The following SLC26A5 variants were observed in gnomAD, a reference collection of about 807,000 sequenced individuals.
SLC26A5 encodes prestin.
SLC26A5 carries 51 observed loss-of-function variants against 81.0 expected under a neutral mutation model. The observed-to-expected ratio is 0.63, with a 90% CI of 0.50 to 0.80. The LOEUF (loss-of-function observed/expected upper bound fraction) is 0.80. Ranked by LOEUF, SLC26A5 falls within the 30% of genes least tolerant of loss-of-function variation. SLC26A5 has a pLI of 0.00. For synonymous variants in SLC26A5, 325 were observed against 332.8 expected (o/e 0.98, Z 0.25); for missense variants, 771 against 905.8 (o/e 0.85, Z 1.91).
chr7:103,368,278 C>T (rs1820827288), intron 19 of SLC26A5: 1 of 462,314 alleles, frequency 2.2e-6, no homozygotes, highest in Admixed American at 3.8e-5. Flanking sequence ...AAGGATTTCA[C>T]ATCATACAAA....
At chr7:103,359,881 A>G (rs1820276533) in intron 19 of SLC26A5, among the ~76,000 whole-genome samples, 1 of 152,090 alleles carries the variant, frequency 6.6e-6, no homozygotes, top group Non-Finnish European at 1.5e-5. Flanking sequence ...GGAGTTTGAG[A>G]TCAGCCTGGC....
chr7:103,402,017 C>CT (rs980014524), intron 8 of SLC26A5, among the ~76,000 whole-genome samples: 13 of 152,012 alleles, frequency 8.6e-5, no homozygotes, highest in African/African-American at 2.2e-4. Context: ...CTGAAATTTT[C>CT]TTTTTTTTGT....
intron 1 of SLC26A5, among the ~76,000 whole-genome samples, chr7:103,444,181 C>A (rs1827099408): frequency 6.6e-6 from 1 of 152,186 alleles, no homozygotes; most frequent in Non-Finnish European, 1.5e-5. Context: ...TACTCTGAGT[C>A]ACAAAATGAT....
At chr7:103,389,302 AAC>A in intron 13 of SLC26A5, 25 bp downstream of exon 13, 2 of 1,495,022 alleles carry the variant, frequency 1.3e-6, no homozygotes, top group Non-Finnish European at 1.9e-6. Flanking sequence ...ATGACATATT[AAC>A]AGAGCCATCA....
At chr7:103,400,516 T>C (rs1242131300) in intron 8 of SLC26A5, among the ~76,000 whole-genome samples, 1 of 152,238 alleles carries the variant, frequency 6.6e-6, no homozygotes, top group Non-Finnish European at 1.5e-5. Flanking sequence ...ATTCTGTAGG[T>C]TGCCTGTTCA....
chr7:103,376,800 A>G lies in SLC26A5; in HGVS notation c.2041+8T>C, dbSNP rs992865908. On this transcript the variant is annotated splice_region_variant and intron_variant, in intron 19 of 19. Transcript: ENST00000306312. Reference sequence around the variant, plus strand: ...TTAAGCTTCACCCCATCTTAGAGGTATACTCACCACTGCATCCTGCTAAGT... The same window carrying G: ...TTAAGCTTCACCCCATCTTAGAGGTGTACTCACCACTGCATCCTGCTAAGT... 6.3e-7 allele frequency: 1 copy of G among 1,588,822 alleles called. No individual in the cohort carries two copies. The highest frequency in any genetic ancestry group is 2.2e-5 in the East Asian group (1 of 44,534).
In SLC26A5 at chr7:103,389,412, C is replaced by A. The variant is rs137932625; in HGVS notation, c.1324G>T (p.Ala442Ser). 2 of 1,613,732 alleles carry A rather than the reference C, an allele frequency of 1.2e-6. No homozygotes were observed. The highest frequency in any genetic ancestry group is 1.3e-5 in the African/African-American group (1 of 75,020). Reference protein sequence around the residue: ...FESLPQAVLSAIVIVNLKGMF... With the variant: ...FESLPQAVLSSIVIVNLKGMF... ...CCCTTCAGGTTGACAATCACAATGG[C>A]CGACAGCACAGCCTGAAACAGAGCA... Residue 442 changes from alanine to serine, a missense_variant, in exon 13 of 20, where the codon GCC (alanine) becomes TCC (serine). Transcript: ENST00000306312.
intron 4 of SLC26A5, among the ~76,000 whole-genome samples, chr7:103,414,785 T>C (rs1824781158): frequency 6.6e-6 from 1 of 152,206 alleles, no homozygotes; most frequent in Non-Finnish European, 1.5e-5. Context: ...CTGGACTTTT[T>C]CATGCAAGAA....
At chr7:103,377,563 A>G in intron 18 of SLC26A5, 36 bp downstream of exon 18, 1 of 1,558,956 alleles carries the variant, frequency 6.4e-7, no homozygotes, top group Non-Finnish European at 8.8e-7. Flanking sequence ...CACCAGGCAT[A>G]GAGGTATTAA....
chr7:103,362,123 C>T (rs914997186), intron 19 of SLC26A5: 2 of 1,609,470 alleles, frequency 1.2e-6, no homozygotes, highest in African/African-American at 2.7e-5. Flanking sequence ...ACTTTTCTTT[C>T]ACTAAGGATA....
chr7:103,388,017 A>G (rs1822333102), intron 14 of SLC26A5, among the ~76,000 whole-genome samples: 1 of 151,766 alleles, frequency 6.6e-6, no homozygotes. Context: ...TTTCCTTTTC[A>G]TCTTTATGGT....
downstream of SLC26A5, among the ~76,000 whole-genome samples, chr7:103,371,415 C>T (rs1212844707): frequency 6.6e-6 from 1 of 151,216 alleles, no homozygotes; most frequent in African/African-American, 2.4e-5. Flanking sequence ...AGCTCCGCCT[C>T]CCGGGTTCAC....
In SLC26A5 at chr7:103,367,166, A is replaced by C. The variant is rs1182079380; in HGVS notation, c.2041+9642T>G. On this transcript the variant is annotated intron_variant, in intron 19 of 19. Coordinates refer to the SLC26A5 transcript ENST00000339444. The surrounding 1 kb of genome is among the most constrained non-coding windows in gnomAD (Gnocchi z 6.1). ...AATAAATGTGGTAGACTTTGAAAAC[A>C]CTAAACTGCCCCATAGGCAGTTTAA... Among the ~76,000 whole-genome samples, 1 of 152,228 alleles carries C rather than the reference A, an allele frequency of 6.6e-6. No individual in the cohort carries two copies. Among genetic ancestry groups the C allele is most frequent in the Non-Finnish European group, 1.5e-5 (1 of 68,042 alleles).
intron 14 of SLC26A5, among the ~76,000 whole-genome samples, chr7:103,381,367 A>T (rs1821770771): frequency 6.6e-6 from 1 of 150,684 alleles, no homozygotes; most frequent in Non-Finnish European, 1.5e-5. Flanking sequence ...CACCCCACAT[A>T]TCACATACAT....
exon 20 of SLC26A5, chr7:103,352,879 C>T (rs867364313): frequency 1.5e-5 from 12 of 780,786 alleles, no homozygotes; most frequent in Non-Finnish European, 2.4e-5. Context: ...TTGGATTACA[C>T]GGCATTTCCC....
intron 14 of SLC26A5, among the ~76,000 whole-genome samples, chr7:103,382,655 T>C (rs1362405508): frequency 6.6e-6 from 1 of 152,098 alleles, no homozygotes; most frequent in Non-Finnish European, 1.5e-5. Flanking sequence ...TGCCTGCCCC[T>C]AATTCCTAAC....
In SLC26A5 at chr7:103,421,098, G is replaced by C. The variant is rs577641636; in HGVS notation, c.153-221C>G. Among the ~76,000 whole-genome samples, 22 of 152,248 alleles carry C rather than the reference G, an allele frequency of 1.4e-4. No individual in the cohort carries two copies. The South Asian group carries it at 4.6e-3, about 32-fold the overall frequency. On this transcript the variant is annotated intron_variant, in intron 3 of 19. Transcript: ENST00000306312. ...ACAAAAGATATTTTCAAGGTGGGTG[G>C]AGAATTAGAAAGCATGTTGGTTATG...
At chr7:103,441,336 T>G (rs777610863) in intron 2 of SLC26A5, among the ~76,000 whole-genome samples, 56 of 152,126 alleles carry the variant, frequency 3.7e-4, no homozygotes, top group Non-Finnish European at 7.1e-4. Context: ...ACAAATACCT[T>G]TCATGGATTA....
intron 17 of SLC26A5, 38 bp downstream of exon 17, chr7:103,378,408 A>C: frequency 6.3e-7 from 1 of 1,582,442 alleles, no homozygotes; most frequent in East Asian, 2.2e-5. Context: ...ATTGCAGAAC[A>C]AGACAGAACG....
Sources: gnomAD v4.1 joint callset for allele counts (sites outside exome capture counted in the v4.1 genomes callset) on GRCh38, gnomAD v4.1.1 for gene constraint, Gnocchi (gnomAD v3.1) non-coding constraint, MANE v1.5 for transcripts, NCBI Gene and HGNC (gene_info 2026-07-23, HGNC 2026-07-21) for gene names.